The following HLCS variants were observed in gnomAD, a reference collection of about 807,000 sequenced individuals.
The protein encoded by HLCS is biotin--protein ligase.
A neutral mutation model predicts 75.0 loss-of-function variants in HLCS; 53 were observed. The ratio of observed to expected loss-of-function variants is 0.71; its 90% CI spans 0.57 to 0.89. The LOEUF (loss-of-function observed/expected upper bound fraction) is 0.89, where lower values mean the gene tolerates loss of function less well. Among genes scored for constraint, HLCS ranks in the 40% least tolerant of loss-of-function variants. HLCS has a pLI of 0.00. For synonymous variants in HLCS, 431 were observed against 428.6 expected (o/e 1.01, Z -0.07); for missense variants, 966 against 1,074.0 (o/e 0.90, Z 1.41).
intron 2 of HLCS, among the ~76,000 whole-genome samples, chr21:36,960,523 G>A (rs1050307201): frequency 1.3e-5 from 2 of 152,144 alleles, no homozygotes; most frequent in Admixed American, 6.6e-5. Flanking sequence ...TGCTCTGCCC[G>A]CTCCAGGGCC....
intron 5 of HLCS, among the ~76,000 whole-genome samples, chr21:36,927,943 G>A (rs146694751): frequency 6.6e-6 from 1 of 152,274 alleles, no homozygotes; most frequent in East Asian, 1.9e-4. Context: ...AGATGACTGG[G>A]TGCCAAGATC....
chr21:36,956,637 G>A (rs2067973150), intron 2 of HLCS, among the ~76,000 whole-genome samples: 1 of 152,206 alleles, frequency 6.6e-6, no homozygotes, highest in African/African-American at 2.4e-5. Flanking sequence ...GGCTGAGGCA[G>A]GAGAATGGCA....
intron 1 of HLCS, among the ~76,000 whole-genome samples, chr21:36,975,417 C>T (rs1004531430): frequency 3.9e-4 from 59 of 152,088 alleles, no homozygotes; most frequent in African/African-American, 1.3e-3. Flanking sequence ...CGGTGCCCGT[C>T]CCCTGTTTCC....
At chr21:36,791,698 AC>A (rs1228779732) in intron 6 of HLCS, among the ~76,000 whole-genome samples, 1 of 151,820 alleles carries the variant, frequency 6.6e-6, no homozygotes. Flanking sequence ...AATGCCGAGC[AC>A]CCTCGAGGGT....
chr21:36,756,220 C>T (rs77945621), intron 10 of HLCS, among the ~76,000 whole-genome samples: 17 of 151,912 alleles, frequency 1.1e-4, no homozygotes, highest in Non-Finnish European at 7.4e-5. Flanking sequence ...GGGCAGATCA[C>T]AAGGTCAGGA....
intron 6 of HLCS, among the ~76,000 whole-genome samples, chr21:36,793,699 CAT>C (rs2060942597): frequency 6.6e-6 from 1 of 152,150 alleles, no homozygotes; most frequent in African/African-American, 2.4e-5. Context: ...TTAAAACAAA[CAT>C]GTACCAGAAT....
At position 36,879,887 on chromosome 21, in the gene HLCS, A is replaced by G. The variant is rs1041801343; in HGVS notation, c.1892+16973T>C. On this transcript the variant is annotated intron_variant, in intron 6 of 10. Coordinates refer to ENST00000674895, the MANE Select transcript of HLCS (RefSeq NM_001352514.2). ...ATTGCACCACTACACTCCAGCCTGGATGACAGAGCAAGATCCCATCTCTTA... is the reference window on the plus strand; with the variant it reads ...ATTGCACCACTACACTCCAGCCTGGGTGACAGAGCAAGATCCCATCTCTTA... 7.3e-5 allele frequency among the ~76,000 whole-genome samples: 11 copies of G among 150,326 alleles called. No individual in the cohort carries two copies. In the Admixed American group the frequency reaches 7.3e-4, roughly 10 times the overall value.
At chr21:36,937,521 G>A (rs961224495) in intron 3 of HLCS, 129 bp from the exon 4 acceptor site, 49 of 842,314 alleles carry the variant, frequency 5.8e-5, no homozygotes, top group Admixed American at 4.6e-4. Context: ...CCTCTGGCAC[G>A]GCTCCCACCT....
At chr21:36,836,421 C>CAT (rs1302531341) in intron 6 of HLCS, among the ~76,000 whole-genome samples, 1 of 150,946 alleles carries the variant, frequency 6.6e-6, no homozygotes, top group African/African-American at 2.4e-5. Context: ...ACTAACTCGT[C>CAT]ATCTAGCATT....
intron 6 of HLCS, among the ~76,000 whole-genome samples, chr21:36,810,215 G>A (rs760248916): frequency 5.3e-5 from 8 of 152,226 alleles, no homozygotes; most frequent in Non-Finnish European, 1.0e-4. Context: ...TGTGAGGAAG[G>A]TTAAACTGTA....
chr21:36,874,936 C>T (rs1191920484), intron 6 of HLCS, among the ~76,000 whole-genome samples: 9 of 152,190 alleles, frequency 5.9e-5, no homozygotes, highest in African/African-American at 1.4e-4. Context: ...GGCCTCTCCC[C>T]GCTCCCGGCA....
Position 36,936,688 on chromosome 21 carries a change from C to G in HLCS, c.1198G>C (p.Gly400Arg). 1 of 1,614,170 alleles carries G rather than the reference C, an allele frequency of 6.2e-7. No homozygotes were observed. The highest frequency in any genetic ancestry group is 8.5e-7 in the Non-Finnish European group (1 of 1,180,024). The stretch of plus-strand genomic sequence containing the variant: ...CCCTTGCTTGTCACCTGAAAGCCAC[C>G]AAAGGTGAAGGATGAAGACAGGCCC... Reference protein sequence around the residue: ...VLGLSSSFTFGGFQVTSKGAL... With the variant: ...VLGLSSSFTFRGFQVTSKGAL... Residue 400 changes from glycine (G) to arginine (R), a missense_variant, in exon 4 of 11, where the codon GGT (glycine) becomes CGT (arginine). Gly to Arg is a moderately radical substitution (Grantham distance 125). Coordinates refer to ENST00000674895, the MANE Select transcript of HLCS (RefSeq NM_001352514.2).
intron 5 of HLCS, among the ~76,000 whole-genome samples, chr21:36,905,333 TGA>T (rs2065405278): frequency 6.6e-6 from 1 of 152,014 alleles, no homozygotes. Context: ...AAAAAGACAA[TGA>T]GAGAGTATGG....
intron 6 of HLCS, among the ~76,000 whole-genome samples, chr21:36,805,391 C>T (rs933428322): frequency 6.6e-6 from 1 of 152,182 alleles, no homozygotes; most frequent in Non-Finnish European, 1.5e-5. Flanking sequence ...GCACGGAGTC[C>T]CGGGCCCGGC....
At position 36,768,923 on chromosome 21, in the gene HLCS, C is replaced by G. The variant is rs116687311; in HGVS notation, c.1893-1638G>C. ...TTCTAGAGGGTCCAGCAACCCTCCA[C>G]CTGGCTTCCTAAGGCCCAGGGCTCT... On this transcript the variant is annotated intron_variant, in intron 6 of 10. Transcript: ENST00000674895. Among the ~76,000 whole-genome samples, 1,288 of 152,230 alleles carry G rather than the reference C, an allele frequency of 8.5e-3. 18 individuals carry two copies. The highest frequency in any genetic ancestry group is 0.028 in the African/African-American group (1,183 of 41,552).
intron 6 of HLCS, among the ~76,000 whole-genome samples, chr21:36,821,068 CA>C (rs2061826103): frequency 6.6e-6 from 1 of 152,112 alleles, no homozygotes. Context: ...ATTCTCATGT[CA>C]AAAAGGGTGG....
rs553134038 is a variant in HLCS at position 36,954,545 on chromosome 21, G to A, written c.330+7491C>T. Among the ~76,000 whole-genome samples the A allele has an allele frequency of 1.9e-3, 287 of 151,192 alleles. 3 individuals carry two copies. Among genetic ancestry groups the A allele is most frequent in the African/African-American group, 6.7e-3 (277 of 41,178 alleles). On this transcript the variant is annotated intron_variant, in intron 2 of 10. Transcript: ENST00000674895. ...GCAGGAGAATGGCGTGAACCTGGGA[G>A]GTGGAGCTTGCAGCGAGCCGAGATG...
At chr21:36,901,977 G>A (rs184433534) in intron 5 of HLCS, among the ~76,000 whole-genome samples, 1 of 152,176 alleles carries the variant, frequency 6.6e-6, no homozygotes, top group African/African-American at 2.4e-5. Context: ...GGACAGCAGT[G>A]GGGGGCGGTG....
intron 2 of HLCS, among the ~76,000 whole-genome samples, chr21:36,951,735 G>A (rs2067678684): frequency 6.6e-6 from 1 of 152,138 alleles, no homozygotes; most frequent in Admixed American, 6.5e-5. Flanking sequence ...CAAATTTCCT[G>A]TGGAAAAAAA....
Sources: allele counts gnomAD v4.1 joint callset (sites outside exome capture counted in the v4.1 genomes callset), GRCh38; gene constraint gnomAD v4.1.1; transcripts MANE v1.5; gene names NCBI Gene and HGNC (gene_info 2026-07-23, HGNC 2026-07-21).